The following CALN1 variants were observed in gnomAD, a reference collection of about 807,000 sequenced individuals.
CALN1 encodes calcium-binding protein 8.
Under a neutral mutation model 30.6 loss-of-function variants are expected in CALN1, and 17 were observed. That is an observed-to-expected ratio of 0.56 (90% CI 0.38 to 0.83). CALN1 has a LOEUF of 0.83. Among genes scored for constraint, CALN1 ranks in the 40% least tolerant of loss-of-function variants. The pLI is 0.00. For synonymous variants in CALN1, 156 were observed against 131.4 expected (o/e 1.19, Z -1.28); for missense variants, 291 against 354.9 (o/e 0.82, Z 1.45).
At chr7:72,353,553 T>C (rs533374902) in intron 2 of CALN1, among the ~76,000 whole-genome samples, 53 of 152,264 alleles carry the variant, frequency 3.5e-4, no homozygotes, top group African/African-American at 1.2e-3. Context: ...TTAGAAAGTT[T>C]GGAATAAAAG....
At chr7:72,169,062 T>A (rs1171019205) in intron 3 of CALN1, among the ~76,000 whole-genome samples, 1 of 152,044 alleles carries the variant, frequency 6.6e-6, no homozygotes, top group Non-Finnish European at 1.5e-5. Context: ...CGCCTTGGCC[T>A]CCCAAAGTGC....
rs76995613 is a variant in CALN1 at position 72,440,074 on chromosome 7, C to A, written c.-226+6968G>T. Among the ~76,000 whole-genome samples the A allele has an allele frequency of 2.5e-3, 378 of 152,306 alleles. 2 individuals are homozygous for A. The highest frequency in any genetic ancestry group is 8.7e-3 in the African/African-American group (361 of 41,558). On this transcript the variant is annotated intron_variant, in intron 1 of 6. Transcript: ENST00000395276. ...GAAAGCTTTGGTTTTCCTTAAGGAA[C>A]TAGCATATCATCTCACGGACAACAA...
chr7:72,219,284 G>A (rs1793088045), intron 3 of CALN1, among the ~76,000 whole-genome samples: 2 of 152,110 alleles, frequency 1.3e-5, no homozygotes, highest in African/African-American at 4.8e-5. Flanking sequence ...GGAGTGCAGT[G>A]GCATGATCAT....
intron 3 of CALN1, among the ~76,000 whole-genome samples, chr7:72,213,871 T>G (rs563807748): frequency 6.6e-6 from 1 of 152,294 alleles, no homozygotes; most frequent in Non-Finnish European, 1.5e-5. Context: ...CGTAGCTTCT[T>G]GCATTTCAGG....
At chr7:71,993,637 A>G (rs1407126811) in intron 5 of CALN1, among the ~76,000 whole-genome samples, 1 of 151,952 alleles carries the variant, frequency 6.6e-6, no homozygotes, top group African/African-American at 2.4e-5. Context: ...TTGTATTTTT[A>G]GTAGAGATGG....
intron 1 of CALN1, among the ~76,000 whole-genome samples, chr7:72,429,505 C>T (rs139242820): frequency 7.2e-4 from 110 of 152,124 alleles, no homozygotes; most frequent in African/African-American, 2.5e-3. Context: ...CTCTTTTCAA[C>T]GGAGGACATG....
At position 72,106,851 on chromosome 7, in the gene CALN1, GGGAAGGAAGGAGGAA is replaced by G. The variant is rs145088927; in HGVS notation, c.245-572_245-558del. ...AAGGAAGGGAGGGAGGGGAGGAGGA[GGGAAGGAAGGAGGAA>G]GGAAGGAAGGAAAAAAGGAAAGAAG... On this transcript the variant is annotated intron_variant, in intron 3 of 6. Transcript: ENST00000395275. 3.3e-4 allele frequency among the ~76,000 whole-genome samples: 30 copies of G among 92,298 alleles called. 3 individuals carry two copies. Among genetic ancestry groups the G allele is most frequent in the Non-Finnish European group, 3.9e-4 (16 of 40,702 alleles). The allele number at this position is 92,298 out of a possible 152,430, so 60.6% of individuals were successfully genotyped here.
chr7:72,258,116 T>C (rs1034000010), intron 3 of CALN1, among the ~76,000 whole-genome samples: 1 of 129,198 alleles, frequency 7.7e-6, no homozygotes, highest in African/African-American at 2.6e-5. Flanking sequence ...ACTACTGAAA[T>C]GAATTTTTTA....
At chr7:72,212,137 G>A (rs941167863) in intron 3 of CALN1, among the ~76,000 whole-genome samples, 8 of 152,046 alleles carry the variant, frequency 5.3e-5, no homozygotes, top group African/African-American at 1.2e-4. Context: ...CAGATAAGGA[G>A]GTCAGGAGAT....
At chr7:71,897,965 C>CAAAAAAA (rs1217388366) in intron 5 of CALN1, among the ~76,000 whole-genome samples, 5 of 55,124 alleles carry the variant, frequency 9.1e-5, no homozygotes, top group Admixed American at 3.2e-4. Flanking sequence ...TGGAAAAAAA[C>CAAAAAAA]AAAAAACAAA....
At chr7:72,446,209 T>C (rs1447414203) in intron 1 of CALN1, among the ~76,000 whole-genome samples, 2 of 152,146 alleles carry the variant, frequency 1.3e-5, no homozygotes, top group Non-Finnish European at 2.9e-5. Context: ...GAAAGAGCAT[T>C]TCACCCAGAA....
chr7:71,954,731 G>A lies in CALN1; in HGVS notation c.501+68926C>T, dbSNP rs78425299. On this transcript the variant is annotated intron_variant, in intron 5 of 6. Coordinates refer to ENST00000395275, the MANE Select transcript of CALN1 (RefSeq NM_031468.4). ...GTGGTCATCAGTGACCTCCACTAGA[G>A]CTGTTTTGTTTTATGGAATGGTAAG... 5.1e-3 allele frequency among the ~76,000 whole-genome samples: 775 copies of A among 152,250 alleles called. 5 individuals are homozygous for A. Among genetic ancestry groups the A allele is most frequent in the African/African-American group, 0.018 (743 of 41,544 alleles).
upstream of CALN1, among the ~76,000 whole-genome samples, chr7:72,413,719 C>A (rs1412688749): frequency 6.6e-6 from 1 of 152,002 alleles, no homozygotes; most frequent in East Asian, 1.9e-4. Flanking sequence ...TATACACTTA[C>A]ACTTATACAC....
chr7:72,162,499 C>T (rs1193117927), intron 3 of CALN1, among the ~76,000 whole-genome samples: 1 of 151,778 alleles, frequency 6.6e-6, no homozygotes, highest in African/African-American at 2.4e-5. Flanking sequence ...TTTGGGAGAC[C>T]AAGGTGGGCA....
chr7:72,069,047 T>A (rs115613703), intron 4 of CALN1, among the ~76,000 whole-genome samples: 28 of 152,310 alleles, frequency 1.8e-4, no homozygotes, highest in African/African-American at 6.5e-4. Flanking sequence ...TTGAGTACAA[T>A]GAAAATTGCT....
At chr7:72,093,032 C>G (rs1217675138) in intron 4 of CALN1, among the ~76,000 whole-genome samples, 1 of 152,040 alleles carries the variant, frequency 6.6e-6, no homozygotes, top group Non-Finnish European at 1.5e-5. Context: ...ATTGCTGCAG[C>G]ATAACTTAGC....
At chr7:72,339,958 G>T (rs1802304934) in intron 2 of CALN1, among the ~76,000 whole-genome samples, 1 of 152,102 alleles carries the variant, frequency 6.6e-6, no homozygotes, top group Non-Finnish European at 1.5e-5. Context: ...ATTCCCTATA[G>T]TCTATCATTC....
At chr7:72,286,241 C>T (rs748765903) in intron 2 of CALN1, among the ~76,000 whole-genome samples, 1 of 151,838 alleles carries the variant, frequency 6.6e-6, no homozygotes, top group Non-Finnish European at 1.5e-5. Flanking sequence ...ACTGGAATTG[C>T]TTTATTAAAG....
chr7:72,192,777 A>C (rs1051347794), intron 3 of CALN1, among the ~76,000 whole-genome samples: 12 of 148,994 alleles, frequency 8.1e-5, no homozygotes, highest in Admixed American at 8.0e-4. Flanking sequence ...AGCATTAGGT[A>C]TATCTCCCGA....
Sources: gnomAD v4.1 joint callset for allele counts (sites outside exome capture counted in the v4.1 genomes callset) on GRCh38, gnomAD v4.1.1 for gene constraint, MANE v1.5 for transcripts, NCBI Gene and HGNC (gene_info 2026-07-23, HGNC 2026-07-21) for gene names.